ABCC4: variants seen among roughly 807,000 people sequenced by gnomAD.
ABCC4 encodes the protein ATP binding cassette subfamily C member 4 (PEL blood group).
ABCC4 carries 102 observed loss-of-function variants against 168.5 expected under a neutral mutation model. The observed-to-expected ratio is 0.61, with a 90% CI of 0.52 to 0.71. The LOEUF (loss-of-function observed/expected upper bound fraction) is 0.71, where lower values mean the gene tolerates loss of function less well. ABCC4 is among the 30% of genes least tolerant of loss of function. ABCC4 has a pLI of 0.00. For missense variants in ABCC4, 1,402 were observed against 1,605.8 expected (o/e 0.87, Z 2.17); for synonymous variants, 617 against 590.7 (o/e 1.04, Z -0.65).
At chr13:95,141,396 T>G (rs1010205071) in intron 19 of ABCC4, among the ~76,000 whole-genome samples, 1 of 152,172 alleles carries the variant, frequency 6.6e-6, no homozygotes, top group African/African-American at 2.4e-5. Flanking sequence ...TGCCCAAAAT[T>G]TGTCCTCAAA....
At position 95,170,577 on chromosome 13, in the gene ABCC4, C is replaced by CTGA; in HGVS notation, c.1776_1778dup (p.His592dup). 6.2e-7 allele frequency: 1 copy of CTGA among 1,612,510 alleles called. No individual in the cohort carries two copies. On this transcript the variant is annotated inframe_insertion, in exon 14 of 31. Transcript: ENST00000645237. ...GACTTGCAGCTTTGAGGTACTGCAACTGATGAGTCACTAAAATTGTGATCT... is the reference window on the plus strand; with the variant it reads ...GACTTGCAGCTTTGAGGTACTGCAACTGATGATGAGTCACTAAAATTGTGATCT...
chr13:95,161,034 A>C (rs1388888044), intron 19 of ABCC4, among the ~76,000 whole-genome samples, 155 bp downstream of exon 19: 2 of 121,290 alleles, frequency 1.6e-5, no homozygotes, highest in African/African-American at 6.5e-5. Flanking sequence ...CTGGTAGGAG[A>C]AAAATATCAG....
chr13:95,092,534 A>G (rs1349016818), intron 20 of ABCC4, among the ~76,000 whole-genome samples: 2 of 152,198 alleles, frequency 1.3e-5, no homozygotes, highest in African/African-American at 4.8e-5. Flanking sequence ...CTGAATGACA[A>G]TAATGACACA....
chr13:95,075,034 A>T (rs559339092), intron 22 of ABCC4: 1 of 168,120 alleles, frequency 5.9e-6, no homozygotes, highest in Non-Finnish European at 1.3e-5. Flanking sequence ...ATTGAAACAT[A>T]GTCACAGCCA....
intron 1 of ABCC4, 104 bp downstream of exon 1, chr13:95,301,137 C>T (rs930416019): frequency 9.8e-6 from 11 of 1,117,654 alleles, no homozygotes; most frequent in East Asian, 3.2e-5. Context: ...GCTCCCCTCG[C>T]CCCCAGCCGC....
At chr13:95,171,345 G>A (rs1462786773) in intron 13 of ABCC4, among the ~76,000 whole-genome samples, 3 of 151,788 alleles carry the variant, frequency 2.0e-5, no homozygotes, top group African/African-American at 4.8e-5. Flanking sequence ...GTTTTCTACG[G>A]TACCCACTCA....
chr13:95,208,487 A>G (rs1039534234), intron 6 of ABCC4, among the ~76,000 whole-genome samples: 3 of 152,152 alleles, frequency 2.0e-5, no homozygotes, highest in Non-Finnish European at 4.4e-5. Flanking sequence ...ATGCACTTCC[A>G]ACAGTGGCTC....
In ABCC4 at chr13:95,166,277, C is replaced by T; in HGVS notation, c.1915G>A (p.Glu639Lys). The change falls in exon 15 of 31, where the codon GAA becomes AAA. Residue 639 changes from glutamate to lysine, a missense_variant. Glu to Lys is a moderately conservative substitution (Grantham distance 56, BLOSUM62 1). Coordinates refer to ENST00000645237, the MANE Select transcript of ABCC4 (RefSeq NM_005845.5). ...GGAGTTCCTGGAACTGGAGGTTGTT[C>T]ACTTTCCTCATTATCCTTCTTTAAA... ...SLLKKDNEES[E>K]QPPVPGTPTL... The T allele has an allele frequency of 1.2e-6, 2 of 1,614,120 alleles. No homozygotes were observed. Among genetic ancestry groups the T allele is most frequent in the Non-Finnish European group, 1.7e-6 (2 of 1,180,014 alleles).
intron 4 of ABCC4, among the ~76,000 whole-genome samples, chr13:95,227,552 T>C (rs1189348379): frequency 6.6e-6 from 1 of 152,158 alleles, no homozygotes; most frequent in African/African-American, 2.4e-5. Context: ...GGGAGATAAC[T>C]TCCACACACA....
At chr13:95,050,695 G>T (rs957235506) in intron 27 of ABCC4, among the ~76,000 whole-genome samples, 7 of 152,128 alleles carry the variant, frequency 4.6e-5, no homozygotes, top group African/African-American at 1.7e-4. Context: ...TTCTGAGGGG[G>T]ACCTACCACG....
intron 9 of ABCC4, among the ~76,000 whole-genome samples, chr13:95,193,963 C>T (rs150954983): frequency 2.2e-4 from 33 of 152,332 alleles, no homozygotes; most frequent in African/African-American, 6.5e-4. Context: ...CAAATTTGAG[C>T]GTTGCCTCCT....
At chr13:95,061,574 C>T (rs1248849436) in intron 26 of ABCC4, among the ~76,000 whole-genome samples, 1 of 148,578 alleles carries the variant, frequency 6.7e-6, no homozygotes, top group Non-Finnish European at 1.5e-5. Context: ...CTCTGTGTTT[C>T]TCTTCTCCAG....
At chr13:95,058,567 C>CAAAAAAAAAAA (rs1165324016) in intron 26 of ABCC4, among the ~76,000 whole-genome samples, 35 of 62,772 alleles carry the variant, frequency 5.6e-4, no homozygotes, top group Middle Eastern at 0.013. Context: ...GACTCCATCT[C>CAAAAAAAAAAA]AAAAAAAAAA....
intron 14 of ABCC4, among the ~76,000 whole-genome samples, chr13:95,168,611 G>C (rs912549656): frequency 6.6e-6 from 1 of 152,158 alleles, no homozygotes; most frequent in African/African-American, 2.4e-5. Context: ...GTTTTATTAA[G>C]AAATTGCAGG....
intron 8 of ABCC4, among the ~76,000 whole-genome samples, chr13:95,201,359 C>T (rs1215858460): frequency 1.3e-5 from 2 of 152,156 alleles, no homozygotes; most frequent in Non-Finnish European, 2.9e-5. Context: ...TGCAGGATCC[C>T]TTTCATGCCA....
chr13:95,135,843 T>C (rs939365426), intron 19 of ABCC4, among the ~76,000 whole-genome samples: 1 of 152,204 alleles, frequency 6.6e-6, no homozygotes. Flanking sequence ...AAAAACTACC[T>C]ACTGTATGTA....
chr13:95,206,585 G>A lies in ABCC4; in HGVS notation c.1108C>T (p.Pro370Ser), dbSNP rs1230698858. 6.2e-7 allele frequency: 1 copy of A among 1,614,176 alleles called. No homozygotes were observed. Among genetic ancestry groups the A allele is most frequent in the Non-Finnish European group, 8.5e-7 (1 of 1,180,042 alleles). The part of the protein sequence containing the change: ...AVRLTVTLFF[P>S]SAIERVSEAI... ...TCTGACACCCTCTCAATGGCTGAGG[G>A]GAAGAAGAGGGTAACCGTCAGCCGC... The change falls in exon 8 of 31, where the codon CCC becomes TCC. Residue 370 changes from proline to serine, a missense_variant. Pro to Ser is a moderately conservative substitution (Grantham distance 74, BLOSUM62 -1). This residue lies in a region of ABCC4 where 78 missense variants were observed against 133.0 expected (regional missense o/e 0.59). Transcript: ENST00000645237.
At chr13:95,242,234 A>AT (rs68070552) in intron 3 of ABCC4, among the ~76,000 whole-genome samples, 70,756 of 150,124 alleles carry the variant, frequency 0.47, 18,604 homozygotes, top group East Asian at 0.65. Context: ...TAACTCCATA[A>AT]TTTTTTTTTT....
chr13:95,176,244 G>GGGGGGGT lies in ABCC4; in HGVS notation c.1727+1462_1727+1463insACCCCCC, dbSNP rs1317252304. Among the ~76,000 whole-genome samples the GGGGGGGT allele has an allele frequency of 1.6e-4, 7 of 44,958 alleles. 2 individuals are homozygous for GGGGGGGT. Among genetic ancestry groups the GGGGGGGT allele is most frequent in the Non-Finnish European group, 3.5e-4 (7 of 20,170 alleles). The allele number at this position is 44,958 out of a possible 152,430, so 29.5% of individuals were successfully genotyped here. ...AGGGCAGGGGGGGGGGGGGGGGGGG[G>GGGGGGGT]GTGGATCCCTTGAGCCCAGGAGTTC... On this transcript the variant is annotated intron_variant, in intron 13 of 30. Transcript: ENST00000645237.
Sources: allele counts gnomAD v4.1 joint callset (sites outside exome capture counted in the v4.1 genomes callset), GRCh38; gene constraint gnomAD v4.1.1; regional missense constraint gnomAD v4.1.1; transcripts MANE v1.5; gene names NCBI Gene and HGNC (gene_info 2026-07-23, HGNC 2026-07-21).